The following RBM26 variants were observed in gnomAD, a reference collection of about 807,000 sequenced individuals.
The protein encoded by RBM26 is RNA binding motif protein 26, also known as RNA-binding protein 26.
Under a neutral mutation model 123.6 loss-of-function variants are expected in RBM26, and 30 were observed. That is an observed-to-expected ratio of 0.24 (90% CI 0.18 to 0.33). The LOEUF (loss-of-function observed/expected upper bound fraction) is 0.33, where lower values mean the gene tolerates loss of function less well. Ranked by LOEUF, RBM26 falls within the 10% of genes least tolerant of loss-of-function variation. RBM26 has a pLI of 1.00. For missense variants in RBM26, 947 were observed against 1,203.6 expected, an observed-to-expected ratio of 0.79 and a Z score of 3.15; for synonymous variants, 400 against 404.4, an observed-to-expected ratio of 0.99 and a Z score of 0.13.
At chr13:79,368,126 C>G (rs554962635) in intron 6 of RBM26, among the ~76,000 whole-genome samples, 1 of 151,942 alleles carries the variant, frequency 6.6e-6, no homozygotes, top group African/African-American at 2.4e-5. Flanking sequence ...CCCGGTTTCA[C>G]GCCTTCTCCT....
At chr13:79,379,674 A>G (rs1346736219) in intron 1 of RBM26, among the ~76,000 whole-genome samples, 1 of 152,060 alleles carries the variant, frequency 6.6e-6, no homozygotes, top group Non-Finnish European at 1.5e-5. Context: ...TATTATCAAA[A>G]AAGTAATGTG....
chr13:79,344,928 T>G, intron 14 of RBM26, 134 bp from the exon 15 acceptor site: 1 of 724,876 alleles, frequency 1.4e-6, no homozygotes, highest in Non-Finnish European at 2.1e-6. Flanking sequence ...TATTTTATAC[T>G]TATAATAACG....
chr13:79,359,961 CA>C (rs1008724051), intron 9 of RBM26, among the ~76,000 whole-genome samples: 10 of 152,074 alleles, frequency 6.6e-5, no homozygotes, highest in African/African-American at 2.4e-4. Flanking sequence ...AAACTGCCTG[CA>C]GTTCTGAGTA....
chr13:79,342,573 GAT>G, intron 17 of RBM26, 89 bp downstream of exon 17: 1 of 1,028,952 alleles, frequency 9.7e-7, no homozygotes, highest in South Asian at 1.5e-5. Context: ...TTGAACAGAA[GAT>G]ATTACCTACA....
intron 1 of RBM26, among the ~76,000 whole-genome samples, chr13:79,397,629 C>G (rs1413695248): frequency 8.0e-6 from 1 of 125,338 alleles, no homozygotes; most frequent in African/African-American, 3.1e-5. Context: ...CTGCAGTGAG[C>G]TGAGATCACG....
intron 12 of RBM26, 22 bp from the exon 13 acceptor site, chr13:79,354,592 TAAAC>T (rs1273756838): frequency 1.3e-6 from 2 of 1,555,842 alleles, no homozygotes. Flanking sequence ...GAAAAAATGT[TAAAC>T]AAGTTGATTC....
At chr13:79,332,461 CT>C (rs2069593092) in intron 20 of RBM26, among the ~76,000 whole-genome samples, 1 of 152,078 alleles carries the variant, frequency 6.6e-6, no homozygotes, top group Non-Finnish European at 1.5e-5. Context: ...ATAAGATAAG[CT>C]TCAACTTAAT....
At chr13:79,369,028 T>G in intron 5 of RBM26, 38 bp from the exon 6 acceptor site, 1 of 1,313,162 alleles carries the variant, frequency 7.6e-7, no homozygotes, top group Non-Finnish European at 1.0e-6. Flanking sequence ...AACTACACTG[T>G]ATTAAAAAAA....
At chr13:79,383,564 G>T (rs1345691636) in intron 1 of RBM26, among the ~76,000 whole-genome samples, 1 of 151,796 alleles carries the variant, frequency 6.6e-6, no homozygotes, top group Non-Finnish European at 1.5e-5. Flanking sequence ...TCCAAATATC[G>T]CATTCATTAT....
At chr13:79,377,292 A>G (rs1315715825) in intron 3 of RBM26, 87 bp downstream of exon 3, 1 of 1,196,482 alleles carries the variant, frequency 8.4e-7, no homozygotes, top group East Asian at 2.3e-5. Flanking sequence ...GAGGACTCCA[A>G]CACAAAGATA....
At chr13:79,329,315 A>T (rs1408657) in intron 20 of RBM26, among the ~76,000 whole-genome samples, 29 of 151,426 alleles carry the variant, frequency 1.9e-4, no homozygotes, top group African/African-American at 6.1e-4. Flanking sequence ...TTCTTTATAC[A>T]TGTGTATATA....
intron 20 of RBM26, among the ~76,000 whole-genome samples, chr13:79,331,055 G>C (rs1220531303): frequency 8.7e-6 from 1 of 114,348 alleles, no homozygotes; most frequent in Non-Finnish European, 1.9e-5. Context: ...CTGTCGCCCA[G>C]GCTGAAGCAC....
Position 79,328,736 on chromosome 13 carries a change from A to T in RBM26, c.2820+5608T>A, listed in dbSNP as rs529115023. Reference sequence around the variant, plus strand: ...TACTCAGCAAAATAATAGAATGGGCAAATGACATTAACAGTTGATAGACAT... The same window carrying T: ...TACTCAGCAAAATAATAGAATGGGCTAATGACATTAACAGTTGATAGACAT... On this transcript the variant is annotated intron_variant, in intron 20 of 21. Transcript: ENST00000438737. Among the ~76,000 whole-genome samples the T allele has an allele frequency of 1.5e-4, 23 of 149,740 alleles. No homozygotes were observed. The East Asian group carries it at 4.5e-3, about 29-fold the overall frequency.
chr13:79,324,169 C>G (rs916995501), intron 20 of RBM26, among the ~76,000 whole-genome samples: 1 of 151,596 alleles, frequency 6.6e-6, no homozygotes, highest in Non-Finnish European at 1.5e-5. Context: ...GTGAGGAATT[C>G]GGAGTTAAAT....
intron 5 of RBM26, among the ~76,000 whole-genome samples, chr13:79,370,353 A>G (rs1204277466): frequency 6.6e-6 from 1 of 152,062 alleles, no homozygotes; most frequent in East Asian, 1.9e-4. Context: ...TTTAACATAC[A>G]TATGTATTGT....
At chr13:79,358,494 G>A (rs1411405494) in intron 10 of RBM26, 61 bp from the exon 11 acceptor site, 4 of 1,309,938 alleles carry the variant, frequency 3.1e-6, no homozygotes, top group Non-Finnish European at 2.1e-6. Flanking sequence ...CCAAATACAA[G>A]GGAATAAAGT....
At chr13:79,334,262 A>C in intron 20 of RBM26, 82 bp downstream of exon 20, 1 of 775,614 alleles carries the variant, frequency 1.3e-6, no homozygotes, top group Non-Finnish European at 2.0e-6. Flanking sequence ...TAGTAAGTTA[A>C]AAAATTCATT....
intron 1 of RBM26, among the ~76,000 whole-genome samples, chr13:79,403,390 A>G (rs2079217335): frequency 6.6e-6 from 1 of 152,194 alleles, no homozygotes; most frequent in South Asian, 2.1e-4. Flanking sequence ...GATACATGGA[A>G]TATGTTTCAT....
chr13:79,402,870 T>TTTCCCCA (rs6145138), intron 1 of RBM26, among the ~76,000 whole-genome samples: 10 of 151,350 alleles, frequency 6.6e-5, no homozygotes, highest in African/African-American at 2.2e-4. Context: ...TTACCTACTA[T>TTTCCCCA]ATCTTGCACA....
Sources: allele counts gnomAD v4.1 joint callset (sites outside exome capture counted in the v4.1 genomes callset), GRCh38; gene constraint gnomAD v4.1.1; transcripts MANE v1.5; gene names NCBI Gene and HGNC (gene_info 2026-07-23, HGNC 2026-07-21).